The following CCDC149 variants were observed in gnomAD, a reference collection of about 807,000 sequenced individuals.
CCDC149 encodes the protein coiled-coil domain containing 149, also known as coiled-coil domain-containing protein 149.
Under a neutral mutation model 59.9 loss-of-function variants are expected in CCDC149, and 45 were observed. The ratio of observed to expected loss-of-function variants is 0.75; its 90% CI spans 0.59 to 0.96. The LOEUF is 0.96. Among genes scored for constraint, CCDC149 ranks in the 40% least tolerant of loss-of-function variants. CCDC149 has a pLI of 0.00. For missense variants in CCDC149, 584 were observed against 664.7 expected (o/e 0.88, Z 1.33); for synonymous variants, 245 against 260.6 (o/e 0.94, Z 0.58).
intron 1 of CCDC149, among the ~76,000 whole-genome samples, chr4:24,962,114 GA>G (rs1441252412): frequency 6.6e-6 from 1 of 151,454 alleles, no homozygotes; most frequent in Non-Finnish European, 1.5e-5. Context: ...AAATTTACAA[GA>G]AAAAAACAAA....
chr4:24,959,550 A>G (rs1577507212), intron 1 of CCDC149, among the ~76,000 whole-genome samples: 1 of 152,228 alleles, frequency 6.6e-6, no homozygotes, highest in East Asian at 1.9e-4. Flanking sequence ...CTGCAGACCC[A>G]AAAAGCTTAA....
At chr4:24,867,660 T>G (rs1718783322) in intron 3 of CCDC149, among the ~76,000 whole-genome samples, 2 of 152,208 alleles carry the variant, frequency 1.3e-5, no homozygotes, top group Non-Finnish European at 2.9e-5. Context: ...CAAATTTTTT[T>G]GCAGGCATGT....
At chr4:24,841,743 C>T (rs1716950570) in intron 4 of CCDC149, among the ~76,000 whole-genome samples, 1 of 152,204 alleles carries the variant, frequency 6.6e-6, no homozygotes, top group Non-Finnish European at 1.5e-5. Context: ...AACCTCAGGA[C>T]TTGTCTGAAC....
In CCDC149 at chr4:24,808,575, C is replaced by G. The variant is rs1305772810; in HGVS notation, c.1437G>C (p.Glu479Asp). Residue 479 changes from glutamate (E) to aspartate (D), a missense_variant, in exon 13 of 13, where the codon GAG (glutamate) becomes GAC (aspartate). Physicochemically the swap from Glu to Asp is conservative, Grantham distance 45. Coordinates refer to ENST00000635206, the MANE Select transcript of CCDC149 (RefSeq NM_001330643.2). ...CACTCCTCTGACCTTCTATGGGACTCTCTCTTCTGACCTCTTCCAGTTCTG... is the reference window on the plus strand; with the variant it reads ...CACTCCTCTGACCTTCTATGGGACTGTCTCTTCTGACCTCTTCCAGTTCTG... 1.9e-6 allele frequency: 3 copies of G among 1,551,820 alleles called. No homozygotes were observed. The highest frequency in any genetic ancestry group is 2.4e-5 in the East Asian group (1 of 40,916).
chr4:24,831,547 G>C lies in CCDC149; in HGVS notation c.924C>G (p.His308Gln). The C allele has an allele frequency of 2.5e-6, 4 of 1,613,950 alleles. No homozygotes were observed. Among genetic ancestry groups the C allele is most frequent in the Non-Finnish European group, 3.4e-6 (4 of 1,179,992 alleles). Residue 308 changes from histidine to glutamine, a missense_variant, in exon 9 of 13, where the codon CAC (histidine) becomes CAG (glutamine). Coordinates refer to ENST00000635206, the MANE Select transcript of CCDC149 (RefSeq NM_001330643.2). ...GGTGCTGAATGACCATGTTTTTCTCGTGGATTGTTTCCAACAGGGCTGTTG... is the reference window on the plus strand; with the variant it reads ...GGTGCTGAATGACCATGTTTTTCTCCTGGATTGTTTCCAACAGGGCTGTTG...
chr4:24,863,191 G>A (rs765412380), intron 3 of CCDC149, among the ~76,000 whole-genome samples: 6 of 152,174 alleles, frequency 3.9e-5, no homozygotes, highest in Non-Finnish European at 8.8e-5. Context: ...TACTCAGGAG[G>A]CTGAGGCAGA....
At position 24,808,293 on chromosome 4, in the gene CCDC149, T is replaced by G; in HGVS notation, c.*96A>C. The G allele has an allele frequency of 8.5e-7, 1 of 1,171,342 alleles. No homozygotes were observed. The highest frequency in any genetic ancestry group is 1.1e-6 in the Non-Finnish European group (1 of 876,076). The allele number at this position is 1,171,342 out of a possible 1,614,324, so 72.6% of individuals were successfully genotyped here. A position where few individuals can be genotyped will look rare whatever the true frequency, so the allele number is the denominator to read the frequency against. ...TTCTCACTTGCAGACTCGGAGGTATTTCAGGAGAAGGCGACGTGAGCGCAC... is the reference window on the plus strand; with the variant it reads ...TTCTCACTTGCAGACTCGGAGGTATGTCAGGAGAAGGCGACGTGAGCGCAC... On this transcript the variant is annotated 3_prime_UTR_variant, in exon 13 of 13. Coordinates refer to ENST00000635206, the MANE Select transcript of CCDC149 (RefSeq NM_001330643.2).
upstream of CCDC149, among the ~76,000 whole-genome samples, chr4:24,915,002 T>C (rs1487382726): frequency 6.6e-6 from 1 of 152,186 alleles, no homozygotes; most frequent in Non-Finnish European, 1.5e-5. Flanking sequence ...GTCCCTGTCC[T>C]AGGGGGCTTG....
chr4:24,823,203 A>G (rs1715523149), intron 9 of CCDC149, among the ~76,000 whole-genome samples: 1 of 152,226 alleles, frequency 6.6e-6, no homozygotes, highest in Non-Finnish European at 1.5e-5. Flanking sequence ...ATGAAAAGAG[A>G]TATTTCAAAA....
At chr4:24,815,180 T>C (rs1487417967) in intron 12 of CCDC149, among the ~76,000 whole-genome samples, 1 of 152,246 alleles carries the variant, frequency 6.6e-6, no homozygotes. Flanking sequence ...CATTCGTTAA[T>C]ATATGAAAGC....
At chr4:24,885,968 T>C (rs1245396126) in intron 1 of CCDC149, among the ~76,000 whole-genome samples, 1 of 152,230 alleles carries the variant, frequency 6.6e-6, no homozygotes, top group Non-Finnish European at 1.5e-5. Context: ...TCCAAACTGC[T>C]AAATGTTCTA....
At chr4:24,858,550 T>A (rs1276167667) in intron 3 of CCDC149, among the ~76,000 whole-genome samples, 2 of 152,094 alleles carry the variant, frequency 1.3e-5, no homozygotes, top group Admixed American at 1.3e-4. Context: ...AAAATTGTGA[T>A]GGGAAAGGGA....
At chr4:24,920,893 A>G (rs1484317574) in intron 1 of CCDC149, among the ~76,000 whole-genome samples, 1 of 152,160 alleles carries the variant, frequency 6.6e-6, no homozygotes, top group East Asian at 1.9e-4. Flanking sequence ...ATGGCATAGG[A>G]GAGTTCCTAA....
At chr4:24,979,190 C>T (rs1047983852) in intron 1 of CCDC149, among the ~76,000 whole-genome samples, 2 of 152,140 alleles carry the variant, frequency 1.3e-5, no homozygotes, top group Non-Finnish European at 2.9e-5. Flanking sequence ...TGTAAGGAAC[C>T]TGGGATATTT....
At chr4:24,910,192 T>C (rs1721794244) in intron 1 of CCDC149, among the ~76,000 whole-genome samples, 1 of 152,208 alleles carries the variant, frequency 6.6e-6, no homozygotes, top group African/African-American at 2.4e-5. Flanking sequence ...ATCACTCCAA[T>C]CTCTACCTTT....
In CCDC149 at chr4:24,959,026, T is replaced by G. The variant is rs530183756; in HGVS notation, c.-65+21043A>C. ...CACAGCTCTGTCGCCCAGGCTGGAC[T>G]GCAGTGGCGCGATCTTGGCTCACTG... On this transcript the variant is annotated intron_variant, in intron 1 of 12. Coordinates refer to the CCDC149 transcript ENST00000389609. Among the ~76,000 whole-genome samples the G allele has an allele frequency of 5.9e-5, 9 of 152,014 alleles. No homozygotes were observed. The South Asian group carries it at 1.9e-3, about 32-fold the overall frequency.
intron 12 of CCDC149, among the ~76,000 whole-genome samples, chr4:24,810,902 A>T (rs1714557355): frequency 6.6e-6 from 1 of 152,232 alleles, no homozygotes. Context: ...AATAAAAATT[A>T]GTAAGACTCT....
chr4:24,837,495 G>A lies in CCDC149; in HGVS notation c.490-95C>T. 1 of 1,223,082 alleles carries A rather than the reference G, an allele frequency of 8.2e-7. No homozygotes were observed. The highest frequency in any genetic ancestry group is 1.2e-6 in the Non-Finnish European group (1 of 855,142). The allele number at this position is 1,223,082 out of a possible 1,614,324, so 75.8% of individuals were successfully genotyped here. ...CTCCCACTTGGTTGACTGATTTTTA[G>A]AGAGTTTATTAACACTACCCGCATG... On this transcript the variant is annotated intron_variant, in intron 5 of 12. Transcript: ENST00000635206. This position sits in a 1 kb window ranked among gnomAD's most constrained non-coding sequence, Gnocchi z 4.3.
intron 1 of CCDC149, among the ~76,000 whole-genome samples, chr4:24,884,748 G>A (rs539364011): frequency 3.9e-5 from 6 of 152,266 alleles, no homozygotes; most frequent in Admixed American, 1.3e-4. Flanking sequence ...CAGCATCTTC[G>A]GAGGGTTGGT....
Sources: allele counts gnomAD v4.1 joint callset (sites outside exome capture counted in the v4.1 genomes callset), GRCh38; gene constraint gnomAD v4.1.1; non-coding constraint Gnocchi (gnomAD v3.1); transcripts MANE v1.5; gene names NCBI Gene and HGNC (gene_info 2026-07-23, HGNC 2026-07-21).